SNED1: variants seen among roughly 807,000 people sequenced by gnomAD.
SNED1 encodes the protein sushi, nidogen and EGF like domains 1, also known as sushi, nidogen and EGF-like domain-containing protein 1.
In SNED1, 81 loss-of-function variants were observed where a neutral mutation model predicts 166.7. The ratio of observed to expected loss-of-function variants is 0.49; its 90% CI spans 0.41 to 0.58. SNED1 has a LOEUF of 0.58. SNED1 is among the 20% of genes least tolerant of loss of function. The pLI is 0.00. For missense variants in SNED1, 1,604 were observed against 2,000.2 expected (o/e 0.80, Z 3.78); for synonymous variants, 762 against 822.0 (o/e 0.93, Z 1.25).
intron 21 of SNED1, 62 bp downstream of exon 21, chr2:241,065,657 C>A: frequency 7.0e-7 from 1 of 1,437,910 alleles, no homozygotes; most frequent in South Asian, 1.2e-5. Flanking sequence ...CAGCGCTGGC[C>A]CCGGCACCTG....
At position 241,073,265 on chromosome 2, in the gene SNED1, G is replaced by C. The variant is rs2062831729; in HGVS notation, c.3818-1G>C. 1 of 1,555,058 alleles carries C rather than the reference G, an allele frequency of 6.4e-7. No individual in the cohort carries two copies. The highest frequency in any genetic ancestry group is 8.7e-7 in the Non-Finnish European group (1 of 1,149,720). On this transcript the variant is annotated splice_acceptor_variant, in intron 26 of 31. Coordinates refer to ENST00000310397, the MANE Select transcript of SNED1 (RefSeq NM_001080437.3). LOFTEE classifies it high-confidence loss of function. This position sits in a 1 kb window ranked among gnomAD's most constrained non-coding sequence, Gnocchi z 6.6. ...TGTGGTCACCGCCTGGCTTCTCCTAGAACCCACAGCCTCGGCGCAGCTCGA... is the reference window on the plus strand; with the variant it reads ...TGTGGTCACCGCCTGGCTTCTCCTACAACCCACAGCCTCGGCGCAGCTCGA...
At chr2:241,071,482 G>A (rs376716464) in intron 24 of SNED1, 94 bp from the exon 25 acceptor site, 41 of 1,429,420 alleles carry the variant, frequency 2.9e-5, no homozygotes, top group Non-Finnish European at 3.3e-5. Flanking sequence ...CTCCAAGCAC[G>A]GCTGAGTGTG....
Position 241,075,147 on chromosome 2 carries a change from C to T in SNED1, c.3916+1783C>T, listed in dbSNP as rs1041203300. ...ACTGAGTGAACTGACCGGCTCTTCT[C>T]CCCTCTCTGTGCAGAGAACATGTAG... On this transcript the variant is annotated intron_variant, in intron 27 of 31. Transcript: ENST00000310397. This position sits in a 1 kb window ranked among gnomAD's most constrained non-coding sequence, Gnocchi z 4.8. The T allele has an allele frequency of 1.3e-5, 2 of 152,154 alleles. No homozygotes were observed. The highest frequency in any genetic ancestry group is 4.2e-4 in the South Asian group (2 of 4,816). The allele number at this position is 152,154 out of a possible 1,614,324, so 9.4% of individuals were successfully genotyped here.
At position 241,051,682 on chromosome 2, in the gene SNED1, T is replaced by C. The variant is rs1417128459; in HGVS notation, c.1736-62T>C. 3 of 1,288,270 alleles carry C rather than the reference T, an allele frequency of 2.3e-6. No individual in the cohort carries two copies. Among genetic ancestry groups the C allele is most frequent in the East Asian group, 2.6e-5 (1 of 39,060 alleles). The allele number at this position is 1,288,270 out of a possible 1,614,324, so 79.8% of individuals were successfully genotyped here. The stretch of plus-strand genomic sequence containing the variant: ...GGACTGAGGAGATGCCAGGAGGGTA[T>C]AGTGGCTCTGTGGGGCCAGCAGCCT... On this transcript the variant is annotated intron_variant, in intron 12 of 31. Coordinates refer to ENST00000310397, the MANE Select transcript of SNED1 (RefSeq NM_001080437.3). This position sits in a 1 kb window ranked among gnomAD's most constrained non-coding sequence, Gnocchi z 4.7.
intron 1 of SNED1, among the ~76,000 whole-genome samples, chr2:241,017,954 G>A (rs964865594): frequency 3.9e-5 from 6 of 152,210 alleles, no homozygotes; most frequent in Admixed American, 2.0e-4. Context: ...CTCCCGCTAC[G>A]ATGACCAACT....
At chr2:240,998,517 C>A (rs2059978656), upstream of SNED1, among the ~76,000 whole-genome samples, 1 of 152,090 alleles carries the variant, frequency 6.6e-6, no homozygotes, top group South Asian at 2.1e-4. Flanking sequence ...CGCGCCCTCC[C>A]ACGGGGCCTG....
At chr2:241,037,007 G>C (rs1349683907) in intron 5 of SNED1, 92 bp downstream of exon 5, 2 of 1,463,702 alleles carry the variant, frequency 1.4e-6, no homozygotes, top group Non-Finnish European at 1.8e-6. Context: ...GGGCGCCCAG[G>C]GTCCCAGGTC....
At chr2:241,071,124 G>A (rs1304240954) in intron 24 of SNED1, among the ~76,000 whole-genome samples, 2 of 152,186 alleles carry the variant, frequency 1.3e-5, no homozygotes, top group Non-Finnish European at 2.9e-5. Context: ...GAAGGACGCT[G>A]TTAGGGTGAC....
chr2:240,998,248 G>T (rs915074263), upstream of SNED1, among the ~76,000 whole-genome samples: 10 of 152,274 alleles, frequency 6.6e-5, no homozygotes, highest in Non-Finnish European at 1.2e-4. Context: ...GGCTGGGAAG[G>T]GGGCAGCACG....
chr2:241,000,299 A>G (rs1342669036), intron 1 of SNED1, among the ~76,000 whole-genome samples: 10 of 151,860 alleles, frequency 6.6e-5, no homozygotes, highest in Non-Finnish European at 1.5e-5. Flanking sequence ...CGTTTTCCAC[A>G]CCTGCTCAGG....
rs979323234 is a variant in SNED1 at position 241,018,013 on chromosome 2, C to T, written c.214-12271C>T. Among the ~76,000 whole-genome samples the T allele has an allele frequency of 6.6e-6, 1 of 152,138 alleles. No homozygotes were observed. Among genetic ancestry groups the T allele is most frequent in the Non-Finnish European group, 1.5e-5 (1 of 68,032 alleles). On this transcript the variant is annotated intron_variant, in intron 1 of 31. Transcript: ENST00000310397. The surrounding 1 kb of genome is among the most constrained non-coding windows in gnomAD (Gnocchi z 5.4). ...AAGTCTCATGTCCCGGGGACCCCCT[C>T]AGTTCCAGGCAAACCAAGGTGGTGG...
At chr2:241,041,512 C>T (rs1051204699) in intron 8 of SNED1, 1 of 152,388 alleles carries the variant, frequency 6.6e-6, no homozygotes, top group Non-Finnish European at 1.5e-5. Context: ...TGGTGAAACC[C>T]CATCTGTACC....
rs116491719 is a variant in SNED1, at chr2:241,000,482, G to A, written c.213+1432G>A. On this transcript the variant is annotated intron_variant, in intron 1 of 31. Transcript: ENST00000310397. ...ACAGAATGGTGCTCAGCGTTGGCCC[G>A]AGCTGGAGGAGGCCTGTCCACTTGA... Among the ~76,000 whole-genome samples, 1,487 of 152,282 alleles carry A rather than the reference G, an allele frequency of 9.8e-3. 37 individuals are homozygous for A. Among genetic ancestry groups the A allele is most frequent in the African/African-American group, 0.033 (1,390 of 41,546 alleles).
At chr2:241,048,800 C>A in intron 10 of SNED1, 34 bp downstream of exon 10, 1 of 1,517,950 alleles carries the variant, frequency 6.6e-7, no homozygotes, top group Non-Finnish European at 9.1e-7. Flanking sequence ...TGCCCTGTCC[C>A]TGAGCATCCT....
At chr2:241,055,870 A>C (rs1318490556) in intron 16 of SNED1, among the ~76,000 whole-genome samples, 1 of 152,212 alleles carries the variant, frequency 6.6e-6, no homozygotes. Context: ...GTTTAAAACC[A>C]ATCTTGAGCT....
intron 16 of SNED1, among the ~76,000 whole-genome samples, chr2:241,058,181 C>T (rs2062120746): frequency 6.6e-6 from 1 of 152,080 alleles, no homozygotes; most frequent in African/African-American, 2.4e-5. Flanking sequence ...AGACGAAAAG[C>T]ATCATTAAGA....
chr2:241,087,868 C>T (rs963283528), intron 30 of SNED1: 5 of 448,922 alleles, frequency 1.1e-5, no homozygotes, highest in Admixed American at 8.2e-5. Flanking sequence ...AAGGTAGTTA[C>T]AAGAATTACT....
At chr2:241,087,632 A>T in intron 30 of SNED1, 157 bp downstream of exon 30, 1 of 1,438,364 alleles carries the variant, frequency 7.0e-7, no homozygotes, top group African/African-American at 1.4e-5. Context: ...TTCTGCTACG[A>T]AACTGTATGT....
intron 27 of SNED1, 39 bp from the exon 28 acceptor site, chr2:241,081,638 G>C: frequency 1.4e-6 from 2 of 1,451,982 alleles, no homozygotes; most frequent in South Asian, 2.4e-5. Context: ...GCCTGTCCTG[G>C]GGTTCCAGTG....
Sources: gnomAD v4.1 joint callset for allele counts (sites outside exome capture counted in the v4.1 genomes callset) on GRCh38, gnomAD v4.1.1 for gene constraint, Gnocchi (gnomAD v3.1) non-coding constraint, MANE v1.5 for transcripts, NCBI Gene and HGNC (gene_info 2026-07-23, HGNC 2026-07-21) for gene names.